Variants in RCAN2 observed in about 807,000 individuals in gnomAD.
The protein encoded by RCAN2 is calcipressin-2.
RCAN2 carries 9 observed loss-of-function variants against 23.6 expected under a neutral mutation model. The ratio of observed to expected loss-of-function variants is 0.38; its 90% CI spans 0.23 to 0.67. The LOEUF (loss-of-function observed/expected upper bound fraction) is 0.67, where lower values mean the gene tolerates loss of function less well. Among genes scored for constraint, RCAN2 ranks in the 30% least tolerant of loss-of-function variants. The pLI is 0.51. For synonymous variants in RCAN2, 109 were observed against 115.7 expected (o/e 0.94, Z 0.37); for missense variants, 273 against 302.3 (o/e 0.90, Z 0.72).
chr6:46,438,900 G>T (rs1485014316), intron 2 of RCAN2, among the ~76,000 whole-genome samples: 3 of 152,160 alleles, frequency 2.0e-5, no homozygotes, highest in African/African-American at 7.2e-5. Flanking sequence ...TTGATTGATT[G>T]CTGCAGTACT....
At chr6:46,473,089 A>G (rs149631525) in intron 1 of RCAN2, among the ~76,000 whole-genome samples, 1 of 152,330 alleles carries the variant, frequency 6.6e-6, no homozygotes, top group African/African-American at 2.4e-5. Context: ...TTTAGAAGTC[A>G]TGTTTCAGGA....
intron 2 of RCAN2, among the ~76,000 whole-genome samples, chr6:46,310,439 C>T (rs1403756505): frequency 6.6e-6 from 1 of 152,034 alleles, no homozygotes; most frequent in African/African-American, 2.4e-5. Flanking sequence ...GTGCTCAGAC[C>T]TTCTATTCTA....
chr6:46,308,203 ACAGT>A (rs1268045601), intron 2 of RCAN2, among the ~76,000 whole-genome samples: 3 of 152,158 alleles, frequency 2.0e-5, no homozygotes, highest in African/African-American at 7.2e-5. Context: ...GATGATCCTA[ACAGT>A]TCTTATTATA....
At chr6:46,333,106 T>A (rs1308054145) in intron 2 of RCAN2, among the ~76,000 whole-genome samples, 1 of 152,226 alleles carries the variant, frequency 6.6e-6, no homozygotes, top group Admixed American at 6.5e-5. Flanking sequence ...CTAAATGTCT[T>A]CTTTTGAGAA....
chr6:46,393,721 C>T lies in RCAN2; in HGVS notation c.225+63031G>A, dbSNP rs141730143. Among the ~76,000 whole-genome samples the T allele has an allele frequency of 7.2e-5, 11 of 152,276 alleles. No homozygotes were observed. The East Asian group carries it at 2.1e-3, about 29-fold the overall frequency. On this transcript the variant is annotated intron_variant, in intron 2 of 4. Transcript: ENST00000371374. ...CTTCTGTTGCCTGCCTTCTCTGGCACTCACCCACCTCTTTGTAGAAGGGCC... is the reference window on the plus strand; with the variant it reads ...CTTCTGTTGCCTGCCTTCTCTGGCATTCACCCACCTCTTTGTAGAAGGGCC...
chr6:46,392,852 T>C (rs1046980814), intron 2 of RCAN2, among the ~76,000 whole-genome samples: 1 of 152,152 alleles, frequency 6.6e-6, no homozygotes, highest in Non-Finnish European at 1.5e-5. Context: ...ACTAGATCAA[T>C]GGTTAAAGAG....
intron 2 of RCAN2, among the ~76,000 whole-genome samples, chr6:46,320,719 G>C (rs887455428): frequency 6.6e-6 from 1 of 152,110 alleles, no homozygotes; most frequent in Non-Finnish European, 1.5e-5. Flanking sequence ...AAAGGCCTTG[G>C]CCTTTCAGAA....
At chr6:46,454,679 T>C (rs565773922) in intron 2 of RCAN2, among the ~76,000 whole-genome samples, 44 of 152,356 alleles carry the variant, frequency 2.9e-4, no homozygotes, top group Middle Eastern at 3.4e-3. Context: ...CAATTAACTA[T>C]ATTCTTGTTT....
At chr6:46,423,598 T>A (rs1485404222) in intron 2 of RCAN2, among the ~76,000 whole-genome samples, 1 of 152,248 alleles carries the variant, frequency 6.6e-6, no homozygotes, top group African/African-American at 2.4e-5. Flanking sequence ...ATTTTTTAAA[T>A]CTACTTGTAT....
At chr6:46,254,113 A>G (rs1048697155) in intron 2 of RCAN2, among the ~76,000 whole-genome samples, 5 of 152,262 alleles carry the variant, frequency 3.3e-5, no homozygotes, top group Non-Finnish European at 5.9e-5. Context: ...CAGCAGTTTT[A>G]ACTACCATTG....
At chr6:46,474,044 C>T (rs1387469615) in intron 1 of RCAN2, among the ~76,000 whole-genome samples, 1 of 152,034 alleles carries the variant, frequency 6.6e-6, no homozygotes, top group African/African-American at 2.4e-5. Flanking sequence ...GCAGGGACAC[C>T]CAGGCCCAGA....
At chr6:46,462,740 A>G (rs1768256064) in intron 1 of RCAN2, among the ~76,000 whole-genome samples, 1 of 152,240 alleles carries the variant, frequency 6.6e-6, no homozygotes, top group Admixed American at 6.5e-5. Flanking sequence ...TATACATATG[A>G]TTAAACCCGG....
At chr6:46,456,238 A>C (rs762146317) in intron 2 of RCAN2, among the ~76,000 whole-genome samples, 7 of 152,202 alleles carry the variant, frequency 4.6e-5, no homozygotes, top group African/African-American at 7.2e-5. Context: ...CCATGGTATC[A>C]ATGAGCAAAG....
At chr6:46,469,904 C>T (rs930608515) in intron 1 of RCAN2, among the ~76,000 whole-genome samples, 3 of 152,104 alleles carry the variant, frequency 2.0e-5, no homozygotes, top group African/African-American at 7.2e-5. Context: ...ACACAGAATT[C>T]CTCCCTTGTG....
Position 46,320,472 on chromosome 6 carries a change from G to A in RCAN2, c.226-71576C>T, listed in dbSNP as rs145982555. 5.1e-4 allele frequency among the ~76,000 whole-genome samples: 78 copies of A among 152,322 alleles called. 1 individual carries two copies. The East Asian group carries it at 0.012, about 23-fold the overall frequency. The stretch of plus-strand genomic sequence containing the variant: ...TTTCATTGTACTCAGTGGCCATGAT[G>A]TGCTGGTCTTTTTCATAACTCACAC... On this transcript the variant is annotated intron_variant, in intron 2 of 4. Coordinates refer to ENST00000371374, the MANE Select transcript of RCAN2 (RefSeq NM_001251974.2).
chr6:46,243,820 A>AC (rs1234400581), intron 4 of RCAN2, among the ~76,000 whole-genome samples: 2 of 150,300 alleles, frequency 1.3e-5, no homozygotes, highest in East Asian at 3.9e-4. Flanking sequence ...AAAAAAAAAA[A>AC]AAAAAAAAAA....
chr6:46,311,641 T>A (rs1763262985), intron 2 of RCAN2, among the ~76,000 whole-genome samples: 1 of 152,120 alleles, frequency 6.6e-6, no homozygotes, highest in African/African-American at 2.4e-5. Context: ...GATTGAAGAG[T>A]GCCTTGTACC....
chr6:46,375,950 A>G (rs184575353), intron 2 of RCAN2, among the ~76,000 whole-genome samples: 49 of 152,320 alleles, frequency 3.2e-4, no homozygotes, highest in Admixed American at 2.8e-3. Context: ...TCTCTGTTCT[A>G]TGACACTATA....
intron 2 of RCAN2, among the ~76,000 whole-genome samples, chr6:46,273,700 G>C (rs1376724949): frequency 6.6e-6 from 1 of 152,136 alleles, no homozygotes; most frequent in Non-Finnish European, 1.5e-5. Context: ...AGGACCATTA[G>C]GTATTTTCTC....
Sources: gnomAD v4.1 joint callset for allele counts (sites outside exome capture counted in the v4.1 genomes callset) on GRCh38, gnomAD v4.1.1 for gene constraint, MANE v1.5 for transcripts, NCBI Gene and HGNC (gene_info 2026-07-23, HGNC 2026-07-21) for gene names.